Variants in AP3B1 observed in about 807,000 individuals in gnomAD.
AP3B1 encodes adaptor related protein complex 3 subunit beta 1, also known as AP-3 complex subunit beta-1.
Under a neutral mutation model 132.5 loss-of-function variants are expected in AP3B1, and 61 were observed. The observed-to-expected ratio is 0.46, with a 90% CI of 0.37 to 0.57. AP3B1 has a LOEUF of 0.57. Ranked by LOEUF, AP3B1 falls within the 20% of genes least tolerant of loss-of-function variation. The pLI, the probability that AP3B1 is intolerant of heterozygous loss-of-function variation, is 0.00. For synonymous variants in AP3B1, 388 were observed against 438.3 expected (o/e 0.89, Z 1.43); for missense variants, 1,120 against 1,289.4 (o/e 0.87, Z 2.01).
chr5:78,077,798 T>C (rs939039471), intron 22 of AP3B1, among the ~76,000 whole-genome samples: 1 of 152,208 alleles, frequency 6.6e-6, no homozygotes, highest in African/African-American at 2.4e-5. Context: ...CTTGGTGGAT[T>C]TGTCTCTAGT....
At chr5:78,046,390 A>G (rs967390985) in intron 22 of AP3B1, among the ~76,000 whole-genome samples, 3 of 152,202 alleles carry the variant, frequency 2.0e-5, no homozygotes, top group Admixed American at 2.0e-4. Flanking sequence ...GAGGTGGAAC[A>G]GTTTCATCCC....
chr5:78,225,636 T>A (rs2112492026), intron 5 of AP3B1, 28 bp from the exon 6 acceptor site: 1 of 1,417,392 alleles, frequency 7.1e-7, no homozygotes, highest in East Asian at 2.3e-5. Context: ...AACATATTAA[T>A]TTTTCCCTTT....
At chr5:78,032,032 G>T (rs1032497698) in intron 24 of AP3B1, among the ~76,000 whole-genome samples, 3 of 152,016 alleles carry the variant, frequency 2.0e-5, no homozygotes, top group African/African-American at 7.3e-5. Flanking sequence ...GCACATATTT[G>T]ATCTCAATAA....
chr5:78,010,608 C>G (rs1485573621), intron 26 of AP3B1, among the ~76,000 whole-genome samples: 3 of 152,272 alleles, frequency 2.0e-5, no homozygotes, highest in African/African-American at 7.2e-5. Context: ...GAACACAAAC[C>G]TCCTTCCTAA....
At chr5:78,095,830 C>T (rs919837933) in intron 21 of AP3B1, among the ~76,000 whole-genome samples, 3 of 152,066 alleles carry the variant, frequency 2.0e-5, no homozygotes, top group Non-Finnish European at 2.9e-5. Context: ...TCGTTTCTGA[C>T]AAAAGCAGGA....
intron 22 of AP3B1, among the ~76,000 whole-genome samples, chr5:78,062,568 G>A (rs1749103142): frequency 6.6e-6 from 1 of 152,144 alleles, no homozygotes; most frequent in Non-Finnish European, 1.5e-5. Flanking sequence ...AAAAACTCAT[G>A]ACATTTCCGT....
intron 5 of AP3B1, among the ~76,000 whole-genome samples, chr5:78,226,182 T>C (rs185334857): frequency 3.8e-4 from 58 of 152,194 alleles, no homozygotes; most frequent in African/African-American, 1.3e-3. Context: ...GGCTGGAATA[T>C]ACTGGTGCCC....
intron 23 of AP3B1, among the ~76,000 whole-genome samples, chr5:78,038,792 A>G (rs1416606526): frequency 6.6e-6 from 1 of 152,208 alleles, no homozygotes. Context: ...TTGACTCTGC[A>G]GACCTAGCCT....
At chr5:78,237,430 G>A (rs780512945) in intron 3 of AP3B1, among the ~76,000 whole-genome samples, 1 of 152,090 alleles carries the variant, frequency 6.6e-6, no homozygotes, top group African/African-American at 2.4e-5. Flanking sequence ...GGAAGTGAAG[G>A]CTACAGTGTG....
At chr5:78,141,114 A>G (rs369936994) in intron 15 of AP3B1, 29 bp downstream of exon 15, 192 of 1,603,154 alleles carry the variant, frequency 1.2e-4, no homozygotes, top group Non-Finnish European at 1.5e-4. Context: ...AGTACGTATT[A>G]GATAGGTTGA....
intron 21 of AP3B1, among the ~76,000 whole-genome samples, chr5:78,097,024 C>G (rs1304523494): frequency 2.4e-5 from 3 of 126,850 alleles, no homozygotes; most frequent in Non-Finnish European, 3.3e-5. Context: ...GGGGGTCAGC[C>G]CCCCGCCCGG....
intron 22 of AP3B1, among the ~76,000 whole-genome samples, chr5:78,069,184 A>G (rs963247733): frequency 6.6e-6 from 1 of 152,238 alleles, no homozygotes; most frequent in Admixed American, 6.5e-5. Flanking sequence ...AAGCATTCCC[A>G]TTGAAAACCA....
In AP3B1 at chr5:78,291,420, GAA is replaced by G. The variant is rs5868911; in HGVS notation, c.128+3030_128+3031del. ...CTCAGTGTCTCCCCACAGATAATTT[GAA>G]AAAAAAAAAAAAAAAAACAGAAATG... On this transcript the variant is annotated intron_variant, in intron 1 of 26. Coordinates refer to ENST00000255194, the MANE Select transcript of AP3B1 (RefSeq NM_003664.5). Among the ~76,000 whole-genome samples the G allele has an allele frequency of 8.5e-3, 728 of 85,690 alleles. 5 individuals carry two copies. The highest frequency in any genetic ancestry group is 0.031 in the African/African-American group (689 of 21,962). The allele number at this position is 85,690 out of a possible 152,430, so 56.2% of individuals were successfully genotyped here.
chr5:78,099,808 G>A (rs768867080), intron 21 of AP3B1, among the ~76,000 whole-genome samples: 3 of 151,714 alleles, frequency 2.0e-5, no homozygotes, highest in South Asian at 2.1e-4. Flanking sequence ...AGAACTGCTC[G>A]AACCCAGAAG....
intron 26 of AP3B1, among the ~76,000 whole-genome samples, chr5:78,008,387 A>C (rs951592623): frequency 6.6e-6 from 1 of 152,212 alleles, no homozygotes; most frequent in African/African-American, 2.4e-5. Context: ...ATAAAACTTA[A>C]ATAGAGAATG....
intron 1 of AP3B1, among the ~76,000 whole-genome samples, chr5:78,285,552 ACTC>A (rs974337686): frequency 1.5e-4 from 22 of 151,340 alleles, no homozygotes; most frequent in African/African-American, 4.9e-4. Flanking sequence ...TTCTAGCCTG[ACTC>A]CTCCTCTAAG....
chr5:78,256,457 G>T (rs1747852441), intron 2 of AP3B1, among the ~76,000 whole-genome samples: 1 of 151,962 alleles, frequency 6.6e-6, no homozygotes. Flanking sequence ...AACCTATCAA[G>T]ATTGAATCAG....
chr5:78,084,238 A>C (rs2112189076), intron 22 of AP3B1, among the ~76,000 whole-genome samples: 1 of 152,248 alleles, frequency 6.6e-6, no homozygotes, highest in Admixed American at 6.5e-5. Flanking sequence ...AATAAAAAGG[A>C]ATCTGGTTGA....
intron 11 of AP3B1, among the ~76,000 whole-genome samples, chr5:78,170,216 T>C (rs1039796976): frequency 3.9e-5 from 6 of 152,224 alleles, no homozygotes; most frequent in Non-Finnish European, 7.3e-5. Flanking sequence ...GCAATAAACA[T>C]ACGTGTGCAT....
Sources: gnomAD v4.1 joint callset for allele counts (sites outside exome capture counted in the v4.1 genomes callset) on GRCh38, gnomAD v4.1.1 for gene constraint, MANE v1.5 for transcripts, NCBI Gene and HGNC (gene_info 2026-07-23, HGNC 2026-07-21) for gene names.